The following HDAC1 variants were observed in gnomAD, a reference collection of about 807,000 sequenced individuals.
HDAC1 encodes protein deacetylase HDAC1.
HDAC1 carries 18 observed loss-of-function variants against 65.5 expected under a neutral mutation model. The observed-to-expected ratio is 0.27, with a 90% confidence interval of 0.19 to 0.41. The LOEUF is 0.41. Ranked by LOEUF, HDAC1 falls within the 10% of genes least tolerant of loss-of-function variation. HDAC1 has a pLI of 1.00. For synonymous variants in HDAC1, 211 were observed against 227.9 expected (o/e 0.93, Z 0.67); for missense variants, 373 against 625.2 (o/e 0.60, Z 4.30).
In HDAC1 at chr1:32,331,645, G is replaced by C. The variant is rs768477313; in HGVS notation, c.1089-31G>C. ...CCTGACTTTGGTTTGTCCCTGACCA[G>C]AGCCCTGCTACTCTCTCCCATTGGC... is the stretch of plus-strand genomic sequence containing the variant. On this transcript the variant is annotated intron_variant, in intron 10 of 13. Transcript: ENST00000373548. The surrounding 1 kb of genome is among the most constrained non-coding windows in gnomAD (Gnocchi z 4.2). 6.2e-7 allele frequency: 1 copy of C among 1,613,522 alleles called. No homozygotes were observed. Among genetic ancestry groups the C allele is most frequent in the Non-Finnish European group, 8.5e-7 (1 of 1,179,596 alleles).
chr1:32,292,129 G>GCGGA lies in HDAC1; in HGVS notation c.-35_-32dup. 6.5e-7 allele frequency: 1 copy of GCGGA among 1,544,006 alleles called. No homozygotes were observed. Among genetic ancestry groups the GCGGA allele is most frequent in the Non-Finnish European group, 8.7e-7 (1 of 1,143,372 alleles). On this transcript the variant is annotated 5_prime_UTR_variant, in exon 1 of 14. Coordinates refer to ENST00000373548, the MANE Select transcript of HDAC1 (RefSeq NM_004964.3). ...GCTGAGCGGAGCCGCGGGCGGGAGG[G>GCGGA]CGGACGGACCGACTGACGGTAGGGA...
At position 32,331,318 on chromosome 1, in the gene HDAC1, C is replaced by G. The variant is rs575796456; in HGVS notation, c.980-156C>G. Among the ~76,000 whole-genome samples the G allele has an allele frequency of 6.6e-6, 1 of 152,280 alleles. No homozygotes were observed. Among genetic ancestry groups the G allele is most frequent in the South Asian group, 2.1e-4 (1 of 4,824 alleles). ...AGTGATGTTAAAAAGATGGAAATCC[C>G]ATAGGTACCCGTGTCTCACAGTGTC... On this transcript the variant is annotated intron_variant, in intron 9 of 13. Transcript: ENST00000373548. The surrounding 1 kb of genome is among the most constrained non-coding windows in gnomAD (Gnocchi z 4.2).
Position 32,330,366 on chromosome 1 carries a change from T to C in HDAC1, c.730-212T>C, listed in dbSNP as rs1415915889. The C allele has an allele frequency of 5.5e-6, 3 of 542,254 alleles. No individual in the cohort carries two copies. The highest frequency in any genetic ancestry group is 1.9e-5 in the African/African-American group (1 of 52,494). 33.6% of individuals were successfully genotyped at this position (542,254 alleles called of 1,614,324 possible). A position where few individuals can be genotyped will look rare whatever the true frequency, so the allele number is the denominator to read the frequency against. ...TCTAGGTTCAGTGTTACTAGAGTGT[T>C]AGAAGGGTCTTAGAGAACTTTTTAA... On this transcript the variant is annotated intron_variant, in intron 7 of 13. Transcript: ENST00000373548. The surrounding 1 kb of genome is among the most constrained non-coding windows in gnomAD (Gnocchi z 4.2).
Position 32,331,437 on chromosome 1 carries a change from C to T in HDAC1, c.980-37C>T. 1 of 1,214,998 alleles carries T rather than the reference C, an allele frequency of 8.2e-7. No homozygotes were observed. Among genetic ancestry groups the T allele is most frequent in the Non-Finnish European group, 1.2e-6 (1 of 816,190 alleles). The allele number at this position is 1,214,998 out of a possible 1,614,324, so 75.3% of individuals were successfully genotyped here. A position where few individuals can be genotyped will look rare whatever the true frequency, so the allele number is the denominator to read the frequency against. On this transcript the variant is annotated intron_variant, in intron 9 of 13. Coordinates refer to ENST00000373548, the MANE Select transcript of HDAC1 (RefSeq NM_004964.3). The surrounding 1 kb of genome is among the most constrained non-coding windows in gnomAD (Gnocchi z 4.2). ...GTGCAAATGGTTAGGGTGCGGTGGC[C>T]AGGTCTCTTGACGGTCTTCTCTCCT... is the stretch of plus-strand genomic sequence containing the variant.
intron 1 of HDAC1, among the ~76,000 whole-genome samples, chr1:32,301,631 A>G (rs1425505681): frequency 6.6e-6 from 1 of 151,798 alleles, no homozygotes; most frequent in Non-Finnish European, 1.5e-5. Flanking sequence ...TTAGCCAGGC[A>G]TGGTAGCACA....
intron 3 of HDAC1, among the ~76,000 whole-genome samples, 174 bp from the exon 4 acceptor site, chr1:32,324,305 T>G (rs1480039423): frequency 6.6e-6 from 1 of 151,990 alleles, no homozygotes; most frequent in Non-Finnish European, 1.5e-5. Flanking sequence ...AAAATAATAA[T>G]GGGCTAAAGC....
intron 2 of HDAC1, among the ~76,000 whole-genome samples, chr1:32,315,801 A>C (rs1641053354): frequency 6.7e-6 from 1 of 149,486 alleles, no homozygotes; most frequent in Non-Finnish European, 1.5e-5. Context: ...CCCCATCTCT[A>C]CTAAAAATAC....
chr1:32,326,892 G>T (rs746525754), intron 4 of HDAC1, 47 bp from the exon 5 acceptor site: 3 of 1,605,224 alleles, frequency 1.9e-6, no homozygotes, highest in African/African-American at 2.7e-5. Flanking sequence ...TGGAGGAAGG[G>T]GAGAGTGGCT....
At chr1:32,321,410 A>C (rs1641145706) in intron 3 of HDAC1, among the ~76,000 whole-genome samples, 1 of 147,254 alleles carries the variant, frequency 6.8e-6, no homozygotes, top group Non-Finnish European at 1.5e-5. Context: ...CCAAGGTATA[A>C]GCACTATCCT....
rs778986200 is a variant in HDAC1 at position 32,330,532 on chromosome 1, G to C, written c.730-46G>C. ...ACCCAGCCTTTCCACTCCAAACCTC[G>C]TATTGCTTTCTTGAGGTTGGTGGTG... On this transcript the variant is annotated intron_variant, in intron 7 of 13. Coordinates refer to ENST00000373548, the MANE Select transcript of HDAC1 (RefSeq NM_004964.3). This position sits in a 1 kb window ranked among gnomAD's most constrained non-coding sequence, Gnocchi z 4.2. 7.5e-7 allele frequency: 1 copy of C among 1,335,528 alleles called. No homozygotes were observed. The highest frequency in any genetic ancestry group is 1.1e-6 in the Non-Finnish European group (1 of 926,462). 82.7% of individuals were successfully genotyped at this position (1,335,528 alleles called of 1,614,324 possible).
At chr1:32,317,059 G>A (rs1641074574) in intron 3 of HDAC1, among the ~76,000 whole-genome samples, 1 of 152,186 alleles carries the variant, frequency 6.6e-6, no homozygotes, top group African/African-American at 2.4e-5. Context: ...CTGGGACGGG[G>A]AGACAATAGA....
intron 3 of HDAC1, among the ~76,000 whole-genome samples, chr1:32,320,913 A>C (rs531735208): frequency 1.0e-3 from 154 of 146,924 alleles, no homozygotes; most frequent in Non-Finnish European, 1.9e-3. Flanking sequence ...AAAAAAAAAA[A>C]AAAAAAAAAA....
intron 1 of HDAC1, among the ~76,000 whole-genome samples, chr1:32,297,599 A>T (rs763807407): frequency 4.6e-5 from 7 of 152,048 alleles, no homozygotes; most frequent in Non-Finnish European, 1.0e-4. Flanking sequence ...CAGTCTTTAG[A>T]TAAGGGAATA....
intron 2 of HDAC1, among the ~76,000 whole-genome samples, chr1:32,312,490 G>A (rs1361125763): frequency 6.6e-6 from 1 of 150,934 alleles, no homozygotes; most frequent in East Asian, 2.0e-4. Context: ...CTCCCGAGTA[G>A]CTGGGTTTAC....
At chr1:32,332,451 G>C (rs1341615932) in intron 12 of HDAC1, among the ~76,000 whole-genome samples, 1 of 152,190 alleles carries the variant, frequency 6.6e-6, no homozygotes, top group East Asian at 1.9e-4. Flanking sequence ...TACCACCCCA[G>C]CCCTTTTCCC....
chr1:32,292,156 G>A lies in HDAC1; in HGVS notation c.-14G>A. ...GGACGGACCGACTGACGGTAGGGAC[G>A]GGAGGCGAGCAAGATGGCGCAGACG... On this transcript the variant is annotated 5_prime_UTR_variant, in exon 1 of 14. Transcript: ENST00000373548. 1.9e-6 allele frequency: 3 copies of A among 1,548,082 alleles called. No homozygotes were observed. Among genetic ancestry groups the A allele is most frequent in the Non-Finnish European group, 2.6e-6 (3 of 1,146,198 alleles).
chr1:32,326,875 G>A (rs2148070190), intron 4 of HDAC1, 64 bp from the exon 5 acceptor site: 1 of 1,588,866 alleles, frequency 6.3e-7, no homozygotes, highest in Non-Finnish European at 8.6e-7. Flanking sequence ...AGGTTCCCTG[G>A]GCTTCTTGGA....
At position 32,314,837 on chromosome 1, in the gene HDAC1, A is replaced by G. The variant is rs367749948; in HGVS notation, c.163-1828A>G. ...CGAGACTCCGTCTCAAAAAAAAAAA[A>G]AAAAAAGGGATATTTCACATTTATT... On this transcript the variant is annotated intron_variant, in intron 2 of 13. Coordinates refer to ENST00000373548, the MANE Select transcript of HDAC1 (RefSeq NM_004964.3). 2.0e-5 allele frequency among the ~76,000 whole-genome samples: 3 copies of G among 152,132 alleles called. No individual in the cohort carries two copies. The East Asian group carries it at 5.8e-4, about 29-fold the overall frequency.
At position 32,333,241 on chromosome 1, in the gene HDAC1, ATTCTTCCCG is replaced by A. The variant is rs1177562391; in HGVS notation, c.*203_*211del. 7 of 477,898 alleles carry A rather than the reference ATTCTTCCCG, an allele frequency of 1.5e-5. No homozygotes were observed. Among genetic ancestry groups the A allele is most frequent in the African/African-American group, 1.4e-4 (7 of 50,370 alleles). The allele number at this position is 477,898 out of a possible 1,614,324, so 29.6% of individuals were successfully genotyped here. On this transcript the variant is annotated 3_prime_UTR_variant, in exon 14 of 14. Coordinates refer to ENST00000373548, the MANE Select transcript of HDAC1 (RefSeq NM_004964.3). ...TCTTCCAGGAGCCACCTTGCCACCC[ATTCTTCCCG>A]TTCTTAACTTTGAACCATAAAGGGT...
Sources: gnomAD v4.1 joint callset for allele counts (sites outside exome capture counted in the v4.1 genomes callset) on GRCh38, gnomAD v4.1.1 for gene constraint, Gnocchi (gnomAD v3.1) non-coding constraint, MANE v1.5 for transcripts, NCBI Gene and HGNC (gene_info 2026-07-23, HGNC 2026-07-21) for gene names.